Variants in GATB observed in about 807,000 individuals in gnomAD.
GATB encodes the protein glutamyl-tRNA(Gln) amidotransferase subunit B, mitochondrial.
In GATB, 39 loss-of-function variants were observed where a neutral mutation model predicts 62.3. That is an observed-to-expected ratio of 0.63 (90% CI 0.48 to 0.82). The LOEUF is 0.82. Among genes scored for constraint, GATB ranks in the 40% least tolerant of loss-of-function variants. The pLI is 0.00. For synonymous variants in GATB, 276 were observed against 258.9 expected (o/e 1.07, Z -0.63); for missense variants, 670 against 684.0 (o/e 0.98, Z 0.23).
At chr4:151,680,082 T>C (rs781610978) in intron 10 of GATB, among the ~76,000 whole-genome samples, 191 bp from the exon 11 acceptor site, 1 of 152,162 alleles carries the variant, frequency 6.6e-6, no homozygotes, top group Admixed American at 6.5e-5. Context: ...ATATAACAAA[T>C]TTTTGTGACT....
chr4:151,679,702 G>A (rs1258396387), intron 11 of GATB, 111 bp downstream of exon 11: 4 of 878,208 alleles, frequency 4.6e-6, no homozygotes, highest in East Asian at 2.4e-5. Flanking sequence ...CACCACTACT[G>A]GCATTTAATA....
intron 11 of GATB, chr4:151,674,818 A>G (rs1334514838): frequency 6.6e-6 from 1 of 152,268 alleles, no homozygotes; most frequent in Non-Finnish European, 1.5e-5. Flanking sequence ...GGCTCAAAAC[A>G]GAAACCACCT....
Position 151,717,054 on chromosome 4 carries a change from C to T in GATB, c.462G>A (p.Gln154=). The change falls in exon 4 of 13, where the codon CAG becomes CAA. Residue 154 remains glutamine (Q), a synonymous_variant. Transcript: ENST00000263985. ...CATTCACAGCAATTGGGAGCCTCTG[C>T]TGGGTAATTTGGTAGCCTGCCTGCA... ...ADLPAGYQIT[Q]QRLPIAVNGS... 1 of 1,614,140 alleles carries T rather than the reference C, an allele frequency of 6.2e-7. No homozygotes were observed. Among genetic ancestry groups the T allele is most frequent in the Non-Finnish European group, 8.5e-7 (1 of 1,180,038 alleles).
chr4:151,705,007 A>G (rs571740495), intron 7 of GATB, among the ~76,000 whole-genome samples, 178 bp downstream of exon 7: 43 of 152,208 alleles, frequency 2.8e-4, no homozygotes, highest in Non-Finnish European at 5.1e-4. Context: ...ATTGCCTCCC[A>G]AAGTGCTGGG....
In GATB at chr4:151,716,629, G is replaced by A. The variant is rs534664300; in HGVS notation, c.640+247C>T. Reference sequence around the variant, plus strand: ...ACTGCTTAAAATATCCAGCTGCTGGGTCTGTGACTAGGTGGATAGGTTTGT... The same window carrying A: ...ACTGCTTAAAATATCCAGCTGCTGGATCTGTGACTAGGTGGATAGGTTTGT... On this transcript the variant is annotated intron_variant, in intron 4 of 12. Coordinates refer to ENST00000263985, the MANE Select transcript of GATB (RefSeq NM_004564.3). Among the ~76,000 whole-genome samples the A allele has an allele frequency of 8.5e-5, 13 of 152,220 alleles. No individual in the cohort carries two copies. The East Asian group carries it at 2.3e-3, about 27-fold the overall frequency.
intron 11 of GATB, chr4:151,677,227 A>C (rs1419986301): frequency 1.3e-5 from 2 of 152,256 alleles, no homozygotes; most frequent in Non-Finnish European, 2.9e-5. Flanking sequence ...ATTTGGAAAA[A>C]AATATCTGTA....
rs1263032208 is a variant in GATB at position 151,727,625 on chromosome 4, TGA to T, written c.328-8089_328-8088del. ...CTCTGAGAAGACATATACTAATTGA[TGA>T]ACTAGGGCAAAATTTAGTCAGAAAG... On this transcript the variant is annotated intron_variant, in intron 2 of 12. Transcript: ENST00000263985. Among the ~76,000 whole-genome samples the T allele has an allele frequency of 9.8e-5, 15 of 152,348 alleles. No homozygotes were observed. In the East Asian group the frequency reaches 2.9e-3, roughly 29 times the overall value.
intron 2 of GATB, among the ~76,000 whole-genome samples, chr4:151,733,444 CA>C (rs1739308100): frequency 6.6e-6 from 1 of 152,102 alleles, no homozygotes; most frequent in African/African-American, 2.4e-5. Flanking sequence ...CTGAACAGAC[CA>C]ATAACAAGCA....
At chr4:151,748,551 T>C (rs1256162085) in intron 2 of GATB, among the ~76,000 whole-genome samples, 1 of 151,522 alleles carries the variant, frequency 6.6e-6, no homozygotes, top group African/African-American at 2.4e-5. Context: ...CCTAAAACCA[T>C]AAAAACCCTA....
At chr4:151,678,825 G>A (rs529459647) in intron 11 of GATB, among the ~76,000 whole-genome samples, 1 of 152,320 alleles carries the variant, frequency 6.6e-6, no homozygotes, top group South Asian at 2.1e-4. Flanking sequence ...TGACAGCTGC[G>A]ATCACTGAAG....
chr4:151,740,426 T>G (rs1739461031), intron 2 of GATB, among the ~76,000 whole-genome samples: 1 of 152,232 alleles, frequency 6.6e-6, no homozygotes. Context: ...TACTGAATAC[T>G]GTAGGCAACT....
At chr4:151,679,361 T>C (rs1738088370) in intron 11 of GATB, among the ~76,000 whole-genome samples, 1 of 152,228 alleles carries the variant, frequency 6.6e-6, no homozygotes, top group Non-Finnish European at 1.5e-5. Flanking sequence ...GTGCAGAGTC[T>C]GACTTCACCC....
chr4:151,702,150 T>G (rs1272066442), intron 8 of GATB, among the ~76,000 whole-genome samples: 1 of 152,210 alleles, frequency 6.6e-6, no homozygotes, highest in Non-Finnish European at 1.5e-5. Flanking sequence ...GACTATGTCT[T>G]CATAAAGACA....
intron 11 of GATB, 123 bp from the exon 12 acceptor site, chr4:151,673,019 G>A (rs1297479388): frequency 2.4e-6 from 3 of 1,228,782 alleles, no homozygotes; most frequent in East Asian, 4.8e-5. Flanking sequence ...AGTCCCCACT[G>A]CCTGGGCCTG....
At chr4:151,716,734 T>A in intron 4 of GATB, 142 bp downstream of exon 4, 1 of 703,178 alleles carries the variant, frequency 1.4e-6, no homozygotes, top group East Asian at 2.7e-5. Context: ...CCAATCCCAA[T>A]GCTGATATTT....
Position 151,737,829 on chromosome 4 carries a change from G to A in GATB, c.328-18291C>T, listed in dbSNP as rs139207423. Among the ~76,000 whole-genome samples the A allele has an allele frequency of 6.2e-3, 945 of 152,308 alleles. 9 individuals are homozygous for A. Among genetic ancestry groups the A allele is most frequent in the African/African-American group, 0.022 (894 of 41,564 alleles). On this transcript the variant is annotated intron_variant, in intron 2 of 12. Coordinates refer to ENST00000263985, the MANE Select transcript of GATB (RefSeq NM_004564.3). ...GCTGCCAAGCCTTGGAAGCTTCCAC[G>A]TGGTGTTGAGCCTGTGGGTGCACAG...
At chr4:151,737,362 G>A (rs950196210) in intron 2 of GATB, among the ~76,000 whole-genome samples, 1 of 152,220 alleles carries the variant, frequency 6.6e-6, no homozygotes, top group Non-Finnish European at 1.5e-5. Flanking sequence ...ACTTGAGAGA[G>A]ATGATTTAGG....
intron 2 of GATB, among the ~76,000 whole-genome samples, chr4:151,734,300 G>C (rs1739325267): frequency 1.3e-5 from 2 of 149,804 alleles, no homozygotes; most frequent in African/African-American, 4.9e-5. Context: ...TAGCAACAGT[G>C]ACCAAATGGA....
At chr4:151,733,434 C>A (rs1294393325) in intron 2 of GATB, among the ~76,000 whole-genome samples, 1 of 152,146 alleles carries the variant, frequency 6.6e-6, no homozygotes, top group African/African-American at 2.4e-5. Context: ...ATTAGATACC[C>A]TGAACAGACC....
Sources: gnomAD v4.1 joint callset for allele counts (sites outside exome capture counted in the v4.1 genomes callset) on GRCh38, gnomAD v4.1.1 for gene constraint, MANE v1.5 for transcripts, NCBI Gene and HGNC (gene_info 2026-07-23, HGNC 2026-07-21) for gene names.